Variants in TNS3 observed in about 807,000 individuals in gnomAD.
TNS3 encodes tensin-3.
Under a neutral mutation model 140.9 loss-of-function variants are expected in TNS3, and 45 were observed. The ratio of observed to expected loss-of-function variants is 0.32; its 90% CI spans 0.25 to 0.41. The LOEUF is 0.41. Ranked by LOEUF, TNS3 falls within the 10% of genes least tolerant of loss-of-function variation. TNS3 has a pLI of 1.00. For synonymous variants in TNS3, 815 were observed against 788.4 expected, an observed-to-expected ratio of 1.03 and a Z score of -0.56; for missense variants, 1,716 against 1,906.7, an observed-to-expected ratio of 0.90 and a Z score of 1.86.
intron 17 of TNS3, among the ~76,000 whole-genome samples, chr7:47,367,000 C>T (rs1790744302): frequency 6.6e-6 from 1 of 152,182 alleles, no homozygotes; most frequent in African/African-American, 2.4e-5. Flanking sequence ...GCCAGCAGCC[C>T]CCAGATGGCA....
intron 13 of TNS3, among the ~76,000 whole-genome samples, chr7:47,401,567 A>G (rs1473320078): frequency 6.6e-6 from 1 of 152,204 alleles, no homozygotes; most frequent in Non-Finnish European, 1.5e-5. Context: ...TGAGGTCCCC[A>G]GGGTGCAGCT....
At chr7:47,538,931 T>G (rs2151961279) in intron 1 of TNS3, 1 of 433,054 alleles carries the variant, frequency 2.3e-6, no homozygotes, top group African/African-American at 2.0e-5. Context: ...ATCTGTATCG[T>G]ATTCATTCCA....
intron 13 of TNS3, chr7:47,405,554 C>T (rs1387130583): frequency 2.8e-6 from 2 of 703,000 alleles, no homozygotes; most frequent in Non-Finnish European, 5.2e-6. Context: ...TATTGTAATT[C>T]ATGACCTAAA....
intron 1 of TNS3, among the ~76,000 whole-genome samples, chr7:47,545,221 C>T (rs528419556): frequency 4.0e-4 from 59 of 148,002 alleles, no homozygotes; most frequent in South Asian, 1.3e-3. Context: ...CTCACTGCAA[C>T]GTCCACCTCC....
intron 4 of TNS3, among the ~76,000 whole-genome samples, chr7:47,461,546 A>G (rs1338499402): frequency 2.6e-5 from 4 of 152,160 alleles, no homozygotes; most frequent in African/African-American, 7.2e-5. Flanking sequence ...ACCCCTGTCC[A>G]GGAACATCAT....
intron 16 of TNS3, among the ~76,000 whole-genome samples, chr7:47,373,807 C>T (rs1044606425): frequency 2.0e-5 from 3 of 152,246 alleles, no homozygotes; most frequent in Admixed American, 1.3e-4. Flanking sequence ...AGCTTTTTCA[C>T]ACATGACAAA....
At chr7:47,524,759 G>A (rs538413731) in intron 2 of TNS3, among the ~76,000 whole-genome samples, 23 of 132,094 alleles carry the variant, frequency 1.7e-4, no homozygotes, top group Admixed American at 5.0e-4. Context: ...CCGAGATCGC[G>A]CCACTGCAGT....
In TNS3 at chr7:47,400,932, A is replaced by G; in HGVS notation, c.724-18T>C. On this transcript the variant is annotated intron_variant, in intron 13 of 30. Coordinates refer to ENST00000311160, the MANE Select transcript of TNS3 (RefSeq NM_022748.12). ...CATTTCACCTGGGTTAGAGAGACAA[A>G]ACAAAACAAAGTAGCTGCAGCGGGG... The G allele has an allele frequency of 6.2e-7, 1 of 1,613,492 alleles. No homozygotes were observed. The highest frequency in any genetic ancestry group is 1.1e-5 in the South Asian group (1 of 91,058).
chr7:47,533,004 A>C (rs1227027516), intron 1 of TNS3, among the ~76,000 whole-genome samples: 1 of 150,998 alleles, frequency 6.6e-6, no homozygotes, highest in Non-Finnish European at 1.5e-5. Context: ...ATAGAAAACA[A>C]GTAGCAGTAT....
intron 1 of TNS3, among the ~76,000 whole-genome samples, chr7:47,577,863 CCT>C (rs1800710596): frequency 1.3e-5 from 2 of 152,252 alleles, no homozygotes; most frequent in African/African-American, 2.4e-5. Context: ...AGGTCTCTCC[CCT>C]GAGGGGTGGC....
At chr7:47,534,940 T>G (rs1188108693) in intron 1 of TNS3, among the ~76,000 whole-genome samples, 1 of 152,118 alleles carries the variant, frequency 6.6e-6, no homozygotes, top group Non-Finnish European at 1.5e-5. Context: ...GACTCAGGCC[T>G]CATATGCCTC....
intron 1 of TNS3, among the ~76,000 whole-genome samples, chr7:47,549,337 C>CA (rs1252095920): frequency 2.0e-5 from 3 of 151,898 alleles, no homozygotes; most frequent in South Asian, 2.1e-4. Flanking sequence ...CTAAAAATAC[C>CA]AAAAAAACTT....
chr7:47,456,604 GGATGT>G (rs1295812692), intron 4 of TNS3, among the ~76,000 whole-genome samples: 1 of 152,176 alleles, frequency 6.6e-6, no homozygotes, highest in East Asian at 1.9e-4. Flanking sequence ...CATCCATTCA[GGATGT>G]GAGGAGAAGG....
chr7:47,418,387 A>C (rs1794195505), intron 10 of TNS3, among the ~76,000 whole-genome samples: 1 of 152,234 alleles, frequency 6.6e-6, no homozygotes, highest in African/African-American at 2.4e-5. Flanking sequence ...GAAAGGATCA[A>C]CTTTAACTTC....
chr7:47,534,836 T>C (rs1799544253), intron 1 of TNS3, among the ~76,000 whole-genome samples: 1 of 152,106 alleles, frequency 6.6e-6, no homozygotes, highest in South Asian at 2.1e-4. Flanking sequence ...AGTGCTTCTG[T>C]GTCATTACCG....
At chr7:47,529,237 G>T in intron 1 of TNS3, 90 bp from the exon 2 acceptor site, 1 of 689,738 alleles carries the variant, frequency 1.4e-6, no homozygotes, top group Non-Finnish European at 2.1e-6. Flanking sequence ...AAATCTAGTG[G>T]AATTGTAAAG....
At chr7:47,316,094 TTCTCTCTCTCTCTCTC>T (rs56939479) in intron 20 of TNS3, among the ~76,000 whole-genome samples, 4,010 of 105,874 alleles carry the variant, frequency 0.038, 110 homozygotes, top group East Asian at 0.084. Context: ...AACTAACTAT[TTCTCTCTCTCTCTCTC>T]TCTCTCTCTC....
intron 8 of TNS3, among the ~76,000 whole-genome samples, chr7:47,432,698 T>C (rs1037831410): frequency 6.6e-6 from 1 of 152,196 alleles, no homozygotes; most frequent in African/African-American, 2.4e-5. Context: ...CCCTGCATTG[T>C]GGGTGGAAGC....
intron 1 of TNS3, among the ~76,000 whole-genome samples, chr7:47,548,055 C>G (rs1241489637): frequency 1.3e-5 from 2 of 152,314 alleles, no homozygotes; most frequent in African/African-American, 2.4e-5. Flanking sequence ...CATGCACCAT[C>G]ACACCCGGCT....
Sources: gnomAD v4.1 joint callset for allele counts (sites outside exome capture counted in the v4.1 genomes callset) on GRCh38, gnomAD v4.1.1 for gene constraint, MANE v1.5 for transcripts, NCBI Gene and HGNC (gene_info 2026-07-23, HGNC 2026-07-21) for gene names.